Variants in CSMD1 observed in about 807,000 individuals in gnomAD.
CSMD1 encodes the protein CUB and Sushi multiple domains 1.
A neutral mutation model predicts 417.5 loss-of-function variants in CSMD1; 213 were observed. The ratio of observed to expected loss-of-function variants is 0.51; its 90% confidence interval spans 0.46 to 0.57. CSMD1 has a LOEUF of 0.57. CSMD1 is among the 20% of genes least tolerant of loss of function. CSMD1 has a pLI of 0.00. For synonymous variants in CSMD1, 2,862 were observed against 1,736.8 expected (o/e 1.65, Z -16.11); for missense variants, 6,923 against 4,529.7 (o/e 1.53, Z -15.17).
At chr8:3,751,834 T>G (rs919875425) in intron 6 of CSMD1, among the ~76,000 whole-genome samples, 1 of 152,210 alleles carries the variant, frequency 6.6e-6, no homozygotes, top group East Asian at 1.9e-4. Flanking sequence ...AAATTTTTCT[T>G]TAATTCACTG....
intron 3 of CSMD1, among the ~76,000 whole-genome samples, chr8:4,358,317 G>A (rs1446548568): frequency 6.6e-6 from 1 of 152,202 alleles, no homozygotes; most frequent in Admixed American, 6.5e-5. Flanking sequence ...CCATCTGACA[G>A]CTGCCTAGTT....
chr8:4,211,204 C>CT (rs34064207), intron 3 of CSMD1, among the ~76,000 whole-genome samples: 20,188 of 145,358 alleles, frequency 0.14, 1,389 homozygotes, highest in Middle Eastern at 0.18. Flanking sequence ...AGTCATTTGC[C>CT]TTTTTTTTTT....
chr8:3,557,649 G>A (rs1177709991), intron 10 of CSMD1, among the ~76,000 whole-genome samples: 1 of 152,124 alleles, frequency 6.6e-6, no homozygotes, highest in East Asian at 1.9e-4. Context: ...CCTGCCTTCT[G>A]CGGAAATGCT....
intron 5 of CSMD1, among the ~76,000 whole-genome samples, chr8:3,949,620 G>C (rs568457102): frequency 2.6e-5 from 4 of 152,060 alleles, no homozygotes; most frequent in Admixed American, 6.6e-5. Flanking sequence ...TGGTTTGTTT[G>C]GGAGATGATT....
intron 3 of CSMD1, among the ~76,000 whole-genome samples, chr8:4,208,826 T>G (rs910261759): frequency 2.6e-5 from 4 of 152,204 alleles, no homozygotes; most frequent in African/African-American, 7.2e-5. Flanking sequence ...AGTTGTTTAA[T>G]ATCTGGTTGG....
chr8:3,741,311 T>A (rs2623715), intron 6 of CSMD1, among the ~76,000 whole-genome samples: 1 of 151,142 alleles, frequency 6.6e-6, no homozygotes, highest in South Asian at 2.1e-4. Context: ...AGACTAAATG[T>A]TTAAAGAGGT....
At chr8:3,329,087 G>C (rs1484593919) in intron 23 of CSMD1, among the ~76,000 whole-genome samples, 2 of 152,104 alleles carry the variant, frequency 1.3e-5, no homozygotes, top group African/African-American at 4.8e-5. Context: ...ATGTAGTTGA[G>C]GGAGAGAGAA....
intron 4 of CSMD1, among the ~76,000 whole-genome samples, chr8:4,012,987 A>AC (rs1796347662): frequency 6.6e-6 from 1 of 152,114 alleles, no homozygotes; most frequent in African/African-American, 2.4e-5. Flanking sequence ...CTCAAGTAAC[A>AC]ACACCTCTCA....
intron 5 of CSMD1, among the ~76,000 whole-genome samples, chr8:3,973,118 T>C (rs1813196957): frequency 6.6e-6 from 1 of 152,244 alleles, no homozygotes; most frequent in African/African-American, 2.4e-5. Flanking sequence ...TTCTTGACAG[T>C]TGGAAAGTTA....
chr8:3,884,083 T>A (rs1488957462), intron 5 of CSMD1, among the ~76,000 whole-genome samples: 2 of 152,186 alleles, frequency 1.3e-5, no homozygotes, highest in Non-Finnish European at 1.5e-5. Context: ...TATTTTCCAA[T>A]AAAGGTAAAC....
chr8:3,175,351 T>A (rs916892060), intron 37 of CSMD1, among the ~76,000 whole-genome samples: 2 of 152,334 alleles, frequency 1.3e-5, no homozygotes, highest in South Asian at 2.1e-4. Flanking sequence ...TCCTACGTTA[T>A]TCAGAATATA....
At chr8:4,444,762 T>G (rs1798682885) in intron 2 of CSMD1, among the ~76,000 whole-genome samples, 1 of 152,178 alleles carries the variant, frequency 6.6e-6, no homozygotes, top group African/African-American at 2.4e-5. Context: ...GTCTACCTAA[T>G]TTTCCCTGAT....
rs963364260 is a variant in CSMD1 at position 4,395,362 on chromosome 8, G to T, written c.415+24591C>A. On this transcript the variant is annotated intron_variant, in intron 3 of 69. Transcript: ENST00000635120. ...AGAGCATTGTTTGCATTAAGACTAGGGGAGTAGTCCCAATATCTGGTCCAG... is the reference window on the plus strand; with the variant it reads ...AGAGCATTGTTTGCATTAAGACTAGTGGAGTAGTCCCAATATCTGGTCCAG... 3.9e-5 allele frequency among the ~76,000 whole-genome samples: 6 copies of T among 152,092 alleles called. No homozygotes were observed. In the East Asian group the frequency reaches 1.2e-3, roughly 29 times the overall value.
chr8:4,880,441 T>G (rs1174893095), intron 1 of CSMD1, among the ~76,000 whole-genome samples: 1 of 152,072 alleles, frequency 6.6e-6, no homozygotes, highest in African/African-American at 2.4e-5. Flanking sequence ...GTATGATGAC[T>G]CGGTGATGTC....
At chr8:2,997,966 G>A in intron 54 of CSMD1, 45 bp downstream of exon 54, 1 of 1,582,164 alleles carries the variant, frequency 6.3e-7, no homozygotes, top group Non-Finnish European at 8.6e-7. Context: ...GGGCAGCCTA[G>A]AACACTCTCA....
chr8:4,037,261 A>T (rs1170777437), intron 3 of CSMD1, among the ~76,000 whole-genome samples: 3 of 152,282 alleles, frequency 2.0e-5, no homozygotes, highest in East Asian at 1.9e-4. Flanking sequence ...ACTTTTGTTT[A>T]TATCAATTAA....
chr8:3,362,430 A>G (rs1456610432), intron 20 of CSMD1, among the ~76,000 whole-genome samples: 1 of 152,128 alleles, frequency 6.6e-6, no homozygotes, highest in African/African-American at 2.4e-5. Context: ...AGGTTTTAAT[A>G]CAGTTGAATG....
chr8:4,326,678 G>A lies in CSMD1; in HGVS notation c.415+93275C>T, dbSNP rs73174262. The stretch of plus-strand genomic sequence containing the variant: ...GTTTCCTCAAAGACCAAAGGAAAAG[G>A]TCTGGACTCAAGAACATGAAACATT... On this transcript the variant is annotated intron_variant, in intron 3 of 69. Coordinates refer to ENST00000635120, the MANE Select transcript of CSMD1 (RefSeq NM_033225.6). Among the ~76,000 whole-genome samples, 1,261 of 152,284 alleles carry A rather than the reference G, an allele frequency of 8.3e-3. 14 individuals carry two copies. The highest frequency in any genetic ancestry group is 0.014 in the Non-Finnish European group (928 of 68,022).
At chr8:3,477,882 T>C (rs1817520868) in intron 11 of CSMD1, among the ~76,000 whole-genome samples, 2 of 152,202 alleles carry the variant, frequency 1.3e-5, no homozygotes. Flanking sequence ...TGTGTACCAC[T>C]GCAGAGGGCC....
Sources: gnomAD v4.1 joint callset for allele counts (sites outside exome capture counted in the v4.1 genomes callset) on GRCh38, gnomAD v4.1.1 for gene constraint, MANE v1.5 for transcripts, NCBI Gene and HGNC (gene_info 2026-07-23, HGNC 2026-07-21) for gene names.